Variants in CCDC144A observed in about 807,000 individuals in gnomAD.
CCDC144A encodes coiled-coil domain containing 144A.
Under a neutral mutation model 143.8 loss-of-function variants are expected in CCDC144A, and 41 were observed. The ratio of observed to expected loss-of-function variants is 0.29; its 90% CI spans 0.22 to 0.37. The LOEUF (loss-of-function observed/expected upper bound fraction) is 0.37. Among genes scored for constraint, CCDC144A ranks in the 10% least tolerant of loss-of-function variants. The pLI, the probability that CCDC144A is intolerant of heterozygous loss-of-function variation, is 1.00. For synonymous variants in CCDC144A, 242 were observed against 517.9 expected (o/e 0.47, Z 7.23); for missense variants, 637 against 1,488.8 (o/e 0.43, Z 9.41).
chr17:16,754,096 G>C (rs1350779471), intron 12 of CCDC144A, among the ~76,000 whole-genome samples: 6 of 152,218 alleles, frequency 3.9e-5, no homozygotes, highest in Middle Eastern at 3.4e-3. Context: ...TTTTCCATAC[G>C]TTTCCAGTTT....
chr17:16,761,926 C>G (rs1915394153), intron 13 of CCDC144A, among the ~76,000 whole-genome samples: 1 of 152,192 alleles, frequency 6.6e-6, no homozygotes. Flanking sequence ...ATAATTCTCA[C>G]TAGAGAATCA....
At chr17:16,767,774 A>G (rs1470563600) in intron 15 of CCDC144A, among the ~76,000 whole-genome samples, 1 of 152,238 alleles carries the variant, frequency 6.6e-6, no homozygotes, top group African/African-American at 2.4e-5. Flanking sequence ...CAGAGAAATA[A>G]TATATTATAA....
At position 16,691,032 on chromosome 17, in the gene CCDC144A, C is replaced by T. The variant is rs1911034902; in HGVS notation, c.344+288C>T. Among the ~76,000 whole-genome samples, 10 of 152,346 alleles carry T rather than the reference C, an allele frequency of 6.6e-5. No individual in the cohort carries two copies. The South Asian group carries it at 2.1e-3, about 32-fold the overall frequency. On this transcript the variant is annotated intron_variant, in intron 1 of 16. Transcript: ENST00000399273. ...TTATACAGCAGACATATTCTACTGT[C>T]GCTCAGGTTCCTTCCATCCTTAAGA...
chr17:16,742,653 A>G (rs899874482), intron 12 of CCDC144A, among the ~76,000 whole-genome samples: 10 of 152,098 alleles, frequency 6.6e-5, no homozygotes, highest in African/African-American at 2.4e-4. Flanking sequence ...ACTAGTTTAC[A>G]TTCCCTCCAC....
At chr17:16,765,084 G>T (rs1224927013) in intron 15 of CCDC144A, 21 of 93,286 alleles carry the variant, frequency 2.3e-4, no homozygotes, top group Middle Eastern at 8.8e-3. Flanking sequence ...CAGAGTAAGA[G>T]TCTATTTCTG....
chr17:16,737,391 C>G (rs112729386), intron 12 of CCDC144A: 2 of 803,650 alleles, frequency 2.5e-6, no homozygotes, highest in African/African-American at 3.6e-5. Flanking sequence ...TGGTCTCGAT[C>G]TCCTGACCTC....
In CCDC144A at chr17:16,709,228, T is replaced by C. The variant is rs778281522; in HGVS notation, c.1171T>C (p.Ser391Pro). 1.2e-6 allele frequency: 2 copies of C among 1,611,732 alleles called. No homozygotes were observed. Among genetic ancestry groups the C allele is most frequent in the South Asian group, 1.1e-5 (1 of 90,982 alleles). Residue 391 changes from serine (S) to proline (P), a missense_variant, in exon 5 of 17, where the codon TCT becomes CCT. Physicochemically the swap from Ser to Pro is moderately conservative, Grantham distance 74 (BLOSUM62 -1). Coordinates refer to ENST00000399273, the MANE Select transcript of CCDC144A (RefSeq NM_001382000.1). ...GTCCCAGGAACATGTTTGCCAGTCA[T>C]CTTCTAAGTTTCATTTACATGAAAA... is the stretch of plus-strand genomic sequence containing the variant. ...SGSQEHVCQSSSKFHLHENKL... is the reference protein window; with the variant it reads ...SGSQEHVCQSPSKFHLHENKL...
chr17:16,684,552 G>A (rs1189421833), upstream of CCDC144A, among the ~76,000 whole-genome samples: 1 of 151,850 alleles, frequency 6.6e-6, no homozygotes, highest in Non-Finnish European at 1.5e-5. Context: ...CTACTCGGGA[G>A]CCTGAGGCAG....
the CCDC144A span, among the ~76,000 whole-genome samples, chr17:16,680,220 G>C: frequency 6.6e-6 from 1 of 151,944 alleles, no homozygotes; most frequent in Non-Finnish European, 1.5e-5. Flanking sequence ...CTTAAGTCCA[G>C]GCATTCGAGA....
At chr17:16,731,016 C>T (rs1429924100) in intron 9 of CCDC144A, among the ~76,000 whole-genome samples, 2 of 149,972 alleles carry the variant, frequency 1.3e-5, no homozygotes, top group East Asian at 2.0e-4. Flanking sequence ...TAAATATGCA[C>T]GAAATAAGTA....
At chr17:16,746,364 T>C in intron 12 of CCDC144A, 2 of 1,295,658 alleles carry the variant, frequency 1.5e-6, no homozygotes. Context: ...TCTTCTCGCT[T>C]CTCTTCTCGA....
intron 12 of CCDC144A, among the ~76,000 whole-genome samples, chr17:16,748,390 A>G (rs1799946773): frequency 6.6e-6 from 1 of 152,246 alleles, no homozygotes; most frequent in African/African-American, 2.4e-5. Flanking sequence ...GTGGTGAAAC[A>G]CATTTATTGA....
At chr17:16,745,458 A>T (rs1359490860) in intron 12 of CCDC144A, among the ~76,000 whole-genome samples, 3 of 152,024 alleles carry the variant, frequency 2.0e-5, no homozygotes, top group Non-Finnish European at 2.9e-5. Context: ...AATTTAATAC[A>T]AGATCACTAC....
intron 15 of CCDC144A, among the ~76,000 whole-genome samples, chr17:16,770,706 A>G (rs1915794153): frequency 6.6e-6 from 1 of 152,014 alleles, no homozygotes; most frequent in South Asian, 2.1e-4. Context: ...TTTAAATTGC[A>G]TAAAACCACA....
intron 8 of CCDC144A, among the ~76,000 whole-genome samples, chr17:16,723,189 G>A (rs1457354144): frequency 1.3e-5 from 2 of 152,000 alleles, no homozygotes; most frequent in Non-Finnish European, 2.9e-5. Flanking sequence ...ATATAGGACA[G>A]TTCATGTTAT....
At chr17:16,677,198 A>G in the CCDC144A span, among the ~76,000 whole-genome samples, 5 of 151,942 alleles carry the variant, frequency 3.3e-5, no homozygotes, top group Admixed American at 6.6e-5. Flanking sequence ...CACTTCTTCT[A>G]GTCCAGATCC....
At chr17:16,717,081 G>A (rs1223800336) in intron 6 of CCDC144A, among the ~76,000 whole-genome samples, 2 of 149,344 alleles carry the variant, frequency 1.3e-5, no homozygotes, top group East Asian at 3.9e-4. Flanking sequence ...GATTACAGGC[G>A]TGAGCCACCG....
chr17:16,667,339 GGCTGAGGA>G, the CCDC144A span, among the ~76,000 whole-genome samples: 5 of 132,650 alleles, frequency 3.8e-5, no homozygotes, highest in African/African-American at 1.5e-4. Flanking sequence ...AGGCTGAGGC[GGCTGAGGA>G]GCTGAGGGGC....
At chr17:16,770,883 G>T (rs1256417894) in intron 15 of CCDC144A, among the ~76,000 whole-genome samples, 1 of 151,860 alleles carries the variant, frequency 6.6e-6, no homozygotes. Flanking sequence ...ATAAGGCCTG[G>T]ATGGTAATGC....
Sources: gnomAD v4.1 joint callset for allele counts (sites outside exome capture counted in the v4.1 genomes callset) on GRCh38, gnomAD v4.1.1 for gene constraint, MANE v1.5 for transcripts, NCBI Gene and HGNC (gene_info 2026-07-23, HGNC 2026-07-21) for gene names.